Variants in MRAP2 observed in about 807,000 individuals in gnomAD.
MRAP2 encodes the protein melanocortin-2 receptor accessory protein 2.
Under a neutral mutation model 17.4 loss-of-function variants are expected in MRAP2, and 20 were observed. The ratio of observed to expected loss-of-function variants is 1.15; its 90% CI spans 0.81 to 1.67. MRAP2 has a LOEUF of 1.67. Ranked by LOEUF, MRAP2 falls within the 40% of genes most tolerant of loss-of-function variation. The pLI is 0.00. For missense variants in MRAP2, 238 were observed against 240.0 expected (o/e 0.99, Z 0.05); for synonymous variants, 96 against 88.4 (o/e 1.09, Z -0.48).
At position 84,055,369 on chromosome 6, in the gene MRAP2, T is replaced by C; in HGVS notation, c.51T>C (p.Ser17=). 6.2e-7 allele frequency: 1 copy of C among 1,613,792 alleles called. No individual in the cohort carries two copies. The highest frequency in any genetic ancestry group is 8.5e-7 in the Non-Finnish European group (1 of 1,179,762). The change falls in exon 2 of 4, where the codon TCT becomes TCC. Residue 17 remains serine, a synonymous_variant. Transcript: ENST00000257776. ...ACAGAACCTCCCAGCAATCGGCATC[T>C]AATTCTGATTACACCTGGGAATATG... ...ISNRTSQQSA[S]NSDYTWEYEY... is the part of the protein sequence containing the mutation.
chr6:84,105,521 A>T, the MRAP2 span, among the ~76,000 whole-genome samples: 1 of 152,162 alleles, frequency 6.6e-6, no homozygotes, highest in East Asian at 1.9e-4. Flanking sequence ...CCCATGATTC[A>T]CTTACCTCCC....
chr6:84,075,871 G>T (rs758241373), intron 3 of MRAP2, among the ~76,000 whole-genome samples: 1 of 152,130 alleles, frequency 6.6e-6, no homozygotes, highest in African/African-American at 2.4e-5. Context: ...TGGAAGTAAA[G>T]ACTAACAACA....
the MRAP2 span, among the ~76,000 whole-genome samples, chr6:84,129,348 C>A: frequency 6.4e-4 from 97 of 152,308 alleles, no homozygotes; most frequent in Non-Finnish European, 1.1e-3. Flanking sequence ...TCCTCTCCAG[C>A]ATCTGTTTCC....
At chr6:84,091,863 T>G (rs1036582427), downstream of MRAP2, among the ~76,000 whole-genome samples, 1 of 152,200 alleles carries the variant, frequency 6.6e-6, no homozygotes, top group Non-Finnish European at 1.5e-5. Context: ...CCACATATGC[T>G]TCATGCTCAT....
At chr6:84,034,370 G>A (rs1054930480) in intron 1 of MRAP2, among the ~76,000 whole-genome samples, 1 of 152,298 alleles carries the variant, frequency 6.6e-6, no homozygotes, top group African/African-American at 2.4e-5. Flanking sequence ...CTCAGATGAT[G>A]CCTGGCTTGA....
the MRAP2 span, among the ~76,000 whole-genome samples, chr6:84,120,917 A>G: frequency 4.6e-5 from 7 of 152,224 alleles, no homozygotes; most frequent in African/African-American, 1.7e-4. Flanking sequence ...TGAGCACTTG[A>G]AATATGGCTA....
At chr6:84,081,342 G>A (rs558708845) in intron 3 of MRAP2, among the ~76,000 whole-genome samples, 10 of 152,318 alleles carry the variant, frequency 6.6e-5, no homozygotes, top group African/African-American at 2.2e-4. Flanking sequence ...GACTGTTTAT[G>A]GCATAAGGTG....
upstream of MRAP2, chr6:84,033,671 G>T (rs2099485109): frequency 2.0e-6 from 2 of 984,918 alleles, no homozygotes; most frequent in African/African-American, 3.5e-5. Context: ...CTCTCGCGCT[G>T]GGGAGGCGGC....
intron 3 of MRAP2, among the ~76,000 whole-genome samples, chr6:84,073,883 TGTG>T (rs2099496871): frequency 1.5e-5 from 2 of 132,954 alleles, no homozygotes; most frequent in African/African-American, 7.0e-5. Context: ...TGTGTGTGTG[TGTG>T]TGTTTTTTTT....
intron 1 of MRAP2, among the ~76,000 whole-genome samples, chr6:84,051,593 C>T (rs185929604): frequency 3.3e-5 from 5 of 152,218 alleles, no homozygotes; most frequent in African/African-American, 4.8e-5. Context: ...TGTGGTGGCT[C>T]ATGCATGTAA....
At chr6:84,112,294 C>A in the MRAP2 span, among the ~76,000 whole-genome samples, 3 of 152,156 alleles carry the variant, frequency 2.0e-5, no homozygotes, top group Non-Finnish European at 2.9e-5. Context: ...TGTTATTGGT[C>A]TATTCAGGGA....
At chr6:84,061,356 G>A (rs1348091146) in intron 2 of MRAP2, among the ~76,000 whole-genome samples, 1 of 152,146 alleles carries the variant, frequency 6.6e-6, no homozygotes, top group Non-Finnish European at 1.5e-5. Flanking sequence ...AATGTAGAAT[G>A]ATTCAACTCT....
intron 1 of MRAP2, among the ~76,000 whole-genome samples, chr6:84,050,693 A>G (rs896564448): frequency 3.9e-5 from 6 of 152,228 alleles, no homozygotes. Context: ...CATTCCTGGA[A>G]GTAAGAGGAA....
At chr6:84,113,789 A>G in the MRAP2 span, among the ~76,000 whole-genome samples, 1 of 152,156 alleles carries the variant, frequency 6.6e-6, no homozygotes, top group African/African-American at 2.4e-5. Context: ...GGAGGTGACA[A>G]AATCTCTCAG....
At chr6:84,060,373 A>G (rs999068397) in intron 2 of MRAP2, among the ~76,000 whole-genome samples, 1 of 152,142 alleles carries the variant, frequency 6.6e-6, no homozygotes, top group Non-Finnish European at 1.5e-5. Context: ...GGTTGAGGGC[A>G]CGCTTTCCTC....
chr6:84,087,281 CG>C lies in MRAP2; in HGVS notation c.228-1809del, dbSNP rs774998380. On this transcript the variant is annotated intron_variant, in intron 3 of 3. Transcript: ENST00000257776. ...CGAAGCAGGGAGGGGACTTCCAGGTCGTAAGTAGATAAGAGACAATGGTTGC... is the reference window on the plus strand; with the variant it reads ...CGAAGCAGGGAGGGGACTTCCAGGTCTAAGTAGATAAGAGACAATGGTTGC... 1.7e-4 allele frequency among the ~76,000 whole-genome samples: 26 copies of C among 152,210 alleles called. No individual in the cohort carries two copies. The highest frequency in any genetic ancestry group is 3.2e-4 in the Non-Finnish European group (22 of 68,024).
intron 3 of MRAP2, among the ~76,000 whole-genome samples, chr6:84,064,017 C>T (rs1265920096): frequency 6.6e-6 from 1 of 151,626 alleles, no homozygotes; most frequent in Non-Finnish European, 1.5e-5. Flanking sequence ...CGCACTCCAG[C>T]CTGGGCAACA....
chr6:84,128,625 T>C, the MRAP2 span, among the ~76,000 whole-genome samples: 1 of 152,132 alleles, frequency 6.6e-6, no homozygotes, highest in Non-Finnish European at 1.5e-5. Flanking sequence ...AACTACTCTT[T>C]TGGTTGTGAT....
the MRAP2 span, among the ~76,000 whole-genome samples, chr6:84,096,430 A>G: frequency 6.6e-6 from 1 of 152,206 alleles, no homozygotes; most frequent in Admixed American, 6.5e-5. Context: ...GTCAAGTGTA[A>G]GTGTAGTACA....
Sources: gnomAD v4.1 joint callset for allele counts (sites outside exome capture counted in the v4.1 genomes callset) on GRCh38, gnomAD v4.1.1 for gene constraint, MANE v1.5 for transcripts, NCBI Gene and HGNC (gene_info 2026-07-23, HGNC 2026-07-21) for gene names.